Variants in PEPD observed in about 807,000 individuals in gnomAD.
The protein encoded by PEPD is peptidase D.
In PEPD, 53 loss-of-function variants were observed where a neutral mutation model predicts 60.7. The observed-to-expected ratio is 0.87, with a 90% CI of 0.70 to 1.10. PEPD has a LOEUF of 1.10. PEPD is among the 50% of genes least tolerant of loss of function. The probability of loss-of-function intolerance (pLI) is 0.00; values close to 1 mark genes in which losing one functional copy is unlikely to be tolerated. For missense variants in PEPD, 711 were observed against 711.9 expected, an observed-to-expected ratio of 1.00 and a Z score of 0.01; for synonymous variants, 267 against 284.1, an observed-to-expected ratio of 0.94 and a Z score of 0.60.
At chr19:33,437,837 T>C (rs17833971) in intron 9 of PEPD, among the ~76,000 whole-genome samples, 19,551 of 152,198 alleles carry the variant, frequency 0.13, 1,483 homozygotes, top group East Asian at 0.28. Context: ...TCAGGCCATT[T>C]TTCTCAACCC....
intron 11 of PEPD, among the ~76,000 whole-genome samples, chr19:33,410,657 G>A (rs532409922): frequency 2.0e-5 from 3 of 152,202 alleles, no homozygotes; most frequent in Non-Finnish European, 4.4e-5. Flanking sequence ...AGGCCTCAGA[G>A]GACATGCCAT....
chr19:33,420,863 C>A (rs370815914), intron 9 of PEPD, among the ~76,000 whole-genome samples: 2 of 152,206 alleles, frequency 1.3e-5, no homozygotes, highest in Non-Finnish European at 1.5e-5. Context: ...GCCTGGCCCC[C>A]CTCCTGGTCA....
chr19:33,490,077 A>G lies in PEPD; in HGVS notation c.442-20T>C. Reference sequence around the variant, plus strand: ...GCCACGCTGGGGAGAGAGAACACAGACATGACACACGGGGCCGCATGGCGC... The same window carrying G: ...GCCACGCTGGGGAGAGAGAACACAGGCATGACACACGGGGCCGCATGGCGC... On this transcript the variant is annotated intron_variant, in intron 5 of 14. Transcript: ENST00000244137. The G allele has an allele frequency of 6.3e-7, 1 of 1,598,316 alleles. No homozygotes were observed. Among genetic ancestry groups the G allele is most frequent in the East Asian group, 2.2e-5 (1 of 44,758 alleles).
At chr19:33,388,270 T>C (rs1033566958) in intron 13 of PEPD, 189 bp from the exon 14 acceptor site, 8 of 697,814 alleles carry the variant, frequency 1.1e-5, no homozygotes, top group Non-Finnish European at 2.1e-5. Context: ...ACCCTGCACA[T>C]ACCCCTGGAT....
At position 33,418,627 on chromosome 19, in the gene PEPD, G is replaced by A. The variant is rs537985674; in HGVS notation, c.672-4984C>T. 6.6e-5 allele frequency among the ~76,000 whole-genome samples: 10 copies of A among 152,340 alleles called. No homozygotes were observed. In the East Asian group the frequency reaches 1.3e-3, roughly 21 times the overall value. On this transcript the variant is annotated intron_variant, in intron 9 of 14. Transcript: ENST00000244137. ...GAATCGCCGCCTGGGTGGCACCAGC[G>A]ACCTATCCAGGACCCCAACTCCCAG...
chr19:33,486,609 C>T (rs1970401420), intron 6 of PEPD, among the ~76,000 whole-genome samples: 2 of 152,142 alleles, frequency 1.3e-5, no homozygotes, highest in Non-Finnish European at 2.9e-5. Flanking sequence ...GTCCCCACAC[C>T]TCGAGACCCC....
chr19:33,521,769 G>T lies in PEPD; in HGVS notation c.-9C>A. 1.3e-6 allele frequency: 2 copies of T among 1,575,688 alleles called. No homozygotes were observed. The highest frequency in any genetic ancestry group is 1.7e-6 in the Non-Finnish European group (2 of 1,165,938). ...CCGGTGGCCGCCGCCATGTTCGCCC[G>T]GCACCGGCGTCACGTGAAGTGCGGC... On this transcript the variant is annotated 5_prime_UTR_variant, in exon 1 of 15. Transcript: ENST00000244137.
chr19:33,415,924 T>C (rs935801930), intron 9 of PEPD, among the ~76,000 whole-genome samples: 2 of 152,236 alleles, frequency 1.3e-5, no homozygotes, highest in African/African-American at 2.4e-5. Flanking sequence ...CTGACGCAAC[T>C]TGAGGACACA....
intron 9 of PEPD, among the ~76,000 whole-genome samples, chr19:33,446,274 A>G (rs957414648): frequency 3.9e-5 from 6 of 152,072 alleles, no homozygotes; most frequent in African/African-American, 1.5e-4. Flanking sequence ...ATGAATTTCT[A>G]CCTTTCTCCA....
Position 33,478,140 on chromosome 19 carries a change from C to T in PEPD, c.504-50G>A, listed in dbSNP as rs1424152051. 4.6e-6 allele frequency: 6 copies of T among 1,310,420 alleles called. 1 individual carries two copies. The South Asian group carries it at 7.4e-5, about 16-fold the overall frequency. The allele number at this position is 1,310,420 out of a possible 1,614,324, so 81.2% of individuals were successfully genotyped here. On this transcript the variant is annotated intron_variant, in intron 6 of 14. Coordinates refer to ENST00000244137, the MANE Select transcript of PEPD (RefSeq NM_000285.4). ...CCATTAATCCAACGGTCTGTCATGT[C>T]CCAGCAAGAACTACCTCATTCAAGA...
intron 9 of PEPD, among the ~76,000 whole-genome samples, chr19:33,439,565 G>A (rs917868388): frequency 6.6e-6 from 1 of 152,228 alleles, no homozygotes; most frequent in Non-Finnish European, 1.5e-5. Context: ...GGGCTGCCCG[G>A]CAATGCCTCT....
intron 3 of PEPD, among the ~76,000 whole-genome samples, chr19:33,506,888 C>A (rs1427212289): frequency 6.6e-6 from 1 of 151,402 alleles, no homozygotes; most frequent in South Asian, 2.1e-4. Flanking sequence ...ACCCCCATCA[C>A]AAACACCCTA....
At chr19:33,463,103 A>G in intron 8 of PEPD, 62 bp from the exon 9 acceptor site, 1 of 968,240 alleles carries the variant, frequency 1.0e-6, no homozygotes, top group Non-Finnish European at 1.7e-6. Context: ...CAGCGTGATA[A>G]ATAACATACA....
intron 9 of PEPD, among the ~76,000 whole-genome samples, chr19:33,460,027 T>C (rs1969897645): frequency 6.6e-6 from 1 of 152,158 alleles, no homozygotes; most frequent in Non-Finnish European, 1.5e-5. Flanking sequence ...GCAGTGCAGC[T>C]GCCCCCCAGC....
intron 9 of PEPD, among the ~76,000 whole-genome samples, chr19:33,424,495 G>C (rs1969099764): frequency 6.6e-6 from 1 of 152,194 alleles, no homozygotes; most frequent in African/African-American, 2.4e-5. Context: ...ACTAATCCAT[G>C]CTGACTGTAG....
Position 33,401,706 on chromosome 19 carries a change from C to A in PEPD, c.967+15G>T. ...CCACGTCAGATGCGCCTCCCCCCAC[C>A]GACCCGCTGCTCACCTGGCTTCATG... On this transcript the variant is annotated intron_variant, in intron 12 of 14. Coordinates refer to ENST00000244137, the MANE Select transcript of PEPD (RefSeq NM_000285.4). The A allele has an allele frequency of 6.2e-7, 1 of 1,601,396 alleles. No homozygotes were observed. The highest frequency in any genetic ancestry group is 8.5e-7 in the Non-Finnish European group (1 of 1,174,746).
At chr19:33,515,948 A>G (rs1418549566) in intron 1 of PEPD, among the ~76,000 whole-genome samples, 2 of 152,008 alleles carry the variant, frequency 1.3e-5, no homozygotes, top group African/African-American at 4.8e-5. Flanking sequence ...CCAAGGGCTG[A>G]GCAGAAAACT....
At chr19:33,486,682 G>A (rs1375275184) in intron 6 of PEPD, among the ~76,000 whole-genome samples, 1 of 152,154 alleles carries the variant, frequency 6.6e-6, no homozygotes, top group African/African-American at 2.4e-5. Flanking sequence ...AGGGAGGTCT[G>A]AGACCAAGGC....
chr19:33,499,201 A>C (rs79107016), intron 4 of PEPD, among the ~76,000 whole-genome samples: 2 of 152,124 alleles, frequency 1.3e-5, no homozygotes, highest in African/African-American at 4.8e-5. Context: ...TATTGACAGA[A>C]TCTTCAGATG....
Sources: gnomAD v4.1 joint callset for allele counts (sites outside exome capture counted in the v4.1 genomes callset) on GRCh38, gnomAD v4.1.1 for gene constraint, MANE v1.5 for transcripts, NCBI Gene and HGNC (gene_info 2026-07-23, HGNC 2026-07-21) for gene names.